NBEAL1: variants seen among roughly 807,000 people sequenced by gnomAD.
NBEAL1 encodes neurobeachin-like protein 1.
NBEAL1 carries 273 observed loss-of-function variants against 351.3 expected under a neutral mutation model. The ratio of observed to expected loss-of-function variants is 0.78; its 90% CI spans 0.70 to 0.86. The LOEUF (loss-of-function observed/expected upper bound fraction) is 0.86. Among genes scored for constraint, NBEAL1 ranks in the 40% least tolerant of loss-of-function variants. The probability of loss-of-function intolerance (pLI) is 0.00; values close to 1 mark genes in which losing one functional copy is unlikely to be tolerated. For synonymous variants in NBEAL1, 1,050 were observed against 1,086.4 expected (o/e 0.97, Z 0.66); for missense variants, 2,961 against 3,201.3 (o/e 0.92, Z 1.81).
chr2:203,203,307 AT>A (rs5837846), intron 51 of NBEAL1, among the ~76,000 whole-genome samples: 20 of 148,402 alleles, frequency 1.3e-4, no homozygotes, highest in African/African-American at 4.9e-4. Context: ...ATGCCTGGCT[AT>A]TTTTTTTTTA....
chr2:203,147,022 A>G (rs2063529806), intron 33 of NBEAL1, among the ~76,000 whole-genome samples: 1 of 152,140 alleles, frequency 6.6e-6, no homozygotes, highest in Non-Finnish European at 1.5e-5. Flanking sequence ...TAGAAGGGAA[A>G]TACTTAAACC....
intron 24 of NBEAL1, among the ~76,000 whole-genome samples, chr2:203,128,826 G>C (rs2063007521): frequency 6.6e-6 from 1 of 151,698 alleles, no homozygotes; most frequent in East Asian, 2.0e-4. Context: ...TCCATCTCTT[G>C]ACCTCGTGAT....
At chr2:203,208,203 G>A (rs576813741) in intron 51 of NBEAL1, among the ~76,000 whole-genome samples, 9 of 152,132 alleles carry the variant, frequency 5.9e-5, no homozygotes, top group African/African-American at 1.9e-4. Context: ...GGAGGATTAC[G>A]TGAGTCCAGG....
intron 3 of NBEAL1, among the ~76,000 whole-genome samples, chr2:203,048,984 CAAT>C (rs1297184821): frequency 6.7e-6 from 1 of 150,046 alleles, no homozygotes; most frequent in Non-Finnish European, 1.5e-5. Context: ...TATACTAAAA[CAAT>C]GATGTTTAGT....
chr2:203,099,604 C>G, intron 11 of NBEAL1, 25 bp from the exon 12 acceptor site: 1 of 1,457,378 alleles, frequency 6.9e-7, no homozygotes, highest in Non-Finnish European at 9.3e-7. Context: ...TTGTTAATTT[C>G]TTGTTTCCCC....
intron 46 of NBEAL1, chr2:203,191,013 T>A (rs1575109142): frequency 6.2e-7 from 1 of 1,604,218 alleles, no homozygotes. Flanking sequence ...CTTCTGCCTC[T>A]GCCCTGATCA....
chr2:203,029,093 C>T (rs1258712001), intron 2 of NBEAL1, among the ~76,000 whole-genome samples: 1 of 152,154 alleles, frequency 6.6e-6, no homozygotes, highest in Non-Finnish European at 1.5e-5. Context: ...TCCAGTGAGT[C>T]TCGTGCCTCA....
intron 37 of NBEAL1, 88 bp downstream of exon 37, chr2:203,166,385 G>T: frequency 8.1e-7 from 1 of 1,229,994 alleles, no homozygotes; most frequent in East Asian, 2.6e-5. Context: ...AAAGCAGTAA[G>T]ATATAACTAT....
intron 10 of NBEAL1, among the ~76,000 whole-genome samples, chr2:203,086,471 A>G (rs2061962734): frequency 1.3e-5 from 2 of 152,170 alleles, no homozygotes; most frequent in Admixed American, 1.3e-4. Flanking sequence ...TTCCACTTGA[A>G]TGTCTCTCAA....
intron 10 of NBEAL1, among the ~76,000 whole-genome samples, chr2:203,093,476 T>C (rs934554744): frequency 5.3e-5 from 8 of 152,232 alleles, no homozygotes; most frequent in African/African-American, 1.9e-4. Context: ...TCCGGAATCA[T>C]GACCTTTAAA....
intron 10 of NBEAL1, among the ~76,000 whole-genome samples, chr2:203,091,880 T>G (rs1357660943): frequency 6.6e-6 from 1 of 152,236 alleles, no homozygotes; most frequent in Non-Finnish European, 1.5e-5. Flanking sequence ...AACACTAGTG[T>G]GAGCATTTGA....
At chr2:203,195,946 G>A (rs919407023) in intron 47 of NBEAL1, among the ~76,000 whole-genome samples, 1 of 152,154 alleles carries the variant, frequency 6.6e-6, no homozygotes, top group Non-Finnish European at 1.5e-5. Flanking sequence ...TTGTCATTGA[G>A]GGAAAGTTTT....
intron 10 of NBEAL1, among the ~76,000 whole-genome samples, chr2:203,093,305 T>C (rs564985678): frequency 6.9e-6 from 1 of 144,382 alleles, no homozygotes; most frequent in Admixed American, 6.9e-5. Flanking sequence ...TAATTCCTAC[T>C]AAAATTTGTT....
chr2:203,084,416 C>T (rs747044620), intron 9 of NBEAL1, 47 bp from the exon 10 acceptor site: 13 of 993,678 alleles, frequency 1.3e-5, no homozygotes, highest in South Asian at 3.9e-5. Context: ...TTTGTATGAT[C>T]CCAAATTTTC....
At chr2:203,176,567 T>C (rs1469059669) in intron 42 of NBEAL1, among the ~76,000 whole-genome samples, 1 of 151,406 alleles carries the variant, frequency 6.6e-6, no homozygotes, top group African/African-American at 2.4e-5. Context: ...CCGTCTCTAC[T>C]AAAAATACAA....
intron 35 of NBEAL1, among the ~76,000 whole-genome samples, chr2:203,154,101 T>C (rs910609717): frequency 6.6e-6 from 1 of 151,090 alleles, no homozygotes; most frequent in African/African-American, 2.5e-5. Flanking sequence ...CCGGGCGTAG[T>C]GACGTGCACC....
intron 7 of NBEAL1, among the ~76,000 whole-genome samples, chr2:203,069,289 G>A (rs2061642082): frequency 6.6e-6 from 1 of 152,160 alleles, no homozygotes; most frequent in African/African-American, 2.4e-5. Context: ...ATTGCTTGCT[G>A]AAGATGACTG....
chr2:203,138,597 T>G (rs1193585176), intron 30 of NBEAL1, 23 bp from the exon 31 acceptor site: 1 of 1,566,604 alleles, frequency 6.4e-7, no homozygotes, highest in Admixed American at 2.1e-5. Flanking sequence ...TTTTTATTTC[T>G]CAATTTTTTT....
At chr2:203,047,363 A>G (rs947691211) in intron 3 of NBEAL1, among the ~76,000 whole-genome samples, 9 of 152,136 alleles carry the variant, frequency 5.9e-5, no homozygotes, top group African/African-American at 1.9e-4. Flanking sequence ...TTAAAATTTT[A>G]TTTTGTATCT....
Sources: gnomAD v4.1 joint callset for allele counts (sites outside exome capture counted in the v4.1 genomes callset) on GRCh38, gnomAD v4.1.1 for gene constraint, MANE v1.5 for transcripts, NCBI Gene and HGNC (gene_info 2026-07-23, HGNC 2026-07-21) for gene names.